PYROXD1: variants seen among roughly 807,000 people sequenced by gnomAD.
PYROXD1 encodes pyridine nucleotide-disulphide oxidoreductase domain 1.
In PYROXD1, 42 loss-of-function variants were observed where a neutral mutation model predicts 62.0. The observed-to-expected ratio is 0.68, with a 90% CI of 0.53 to 0.88. PYROXD1 has a LOEUF of 0.88. Among genes scored for constraint, PYROXD1 ranks in the 40% least tolerant of loss-of-function variants. The pLI, the probability that PYROXD1 is intolerant of heterozygous loss-of-function variation, is 0.00. For missense variants in PYROXD1, 493 were observed against 604.8 expected, an observed-to-expected ratio of 0.82 and a Z score of 1.94; for synonymous variants, 170 against 206.4, an observed-to-expected ratio of 0.82 and a Z score of 1.51.
rs776511621 is a variant in PYROXD1 at position 21,461,101 on chromosome 12, A to T, written c.827A>T (p.Lys276Met). ...CTTCAGGATGAGTTTAGAATTTTGA[A>T]GAAAAAGTCCTTCACTTTTCCAAGA... is the stretch of plus-strand genomic sequence containing the variant. ...IYLQDEFRIL[K>M]KKSFTFPRDH... The change falls in exon 8 of 12, where the codon AAG becomes ATG. Residue 276 changes from lysine (K) to methionine (M), a missense_variant. Coordinates refer to ENST00000240651, the MANE Select transcript of PYROXD1 (RefSeq NM_024854.5). The T allele has an allele frequency of 1.3e-6, 2 of 1,591,708 alleles. No homozygotes were observed. The highest frequency in any genetic ancestry group is 2.3e-5 in the South Asian group (2 of 86,122).
At chr12:21,443,780 A>G (rs1942339140) in intron 2 of PYROXD1, among the ~76,000 whole-genome samples, 3 of 152,130 alleles carry the variant, frequency 2.0e-5, no homozygotes, top group African/African-American at 4.8e-5. Flanking sequence ...TCATGTTGTA[A>G]ACCCATAAGA....
intron 2 of PYROXD1, among the ~76,000 whole-genome samples, chr12:21,440,892 A>G (rs1414269855): frequency 6.6e-6 from 1 of 151,912 alleles, no homozygotes; most frequent in Non-Finnish European, 1.5e-5. Context: ...TTTGTTGAAT[A>G]TTTTTTCTAT....
chr12:21,446,403 C>T (rs984876138), intron 3 of PYROXD1, among the ~76,000 whole-genome samples: 2 of 151,600 alleles, frequency 1.3e-5, no homozygotes, highest in Non-Finnish European at 2.9e-5. Flanking sequence ...CCAGCCTGGG[C>T]GACAGAGCGA....
chr12:21,465,783 G>A (rs1295729888), intron 10 of PYROXD1, among the ~76,000 whole-genome samples: 3 of 152,026 alleles, frequency 2.0e-5, no homozygotes, highest in Non-Finnish European at 2.9e-5. Context: ...TTTCTTCTAG[G>A]GTTTTTATGG....
At chr12:21,454,700 A>G (rs1487535206) in intron 5 of PYROXD1, 1 of 152,144 alleles carries the variant, frequency 6.6e-6, no homozygotes, top group Non-Finnish European at 1.5e-5. Flanking sequence ...AGATATAAAA[A>G]GTTGTTACCA....
intron 2 of PYROXD1, among the ~76,000 whole-genome samples, chr12:21,442,016 G>C (rs1303713623): frequency 6.6e-6 from 1 of 152,246 alleles, no homozygotes; most frequent in Non-Finnish European, 1.5e-5. Context: ...GGGATCCTCA[G>C]CATCCAACTC....
chr12:21,461,837 A>C (rs1942702635), intron 8 of PYROXD1, among the ~76,000 whole-genome samples, 171 bp from the exon 9 acceptor site: 1 of 152,224 alleles, frequency 6.6e-6, no homozygotes, highest in South Asian at 2.1e-4. Context: ...AATTGCATTA[A>C]AATTGCTTTA....
chr12:21,467,349 G>T, intron 10 of PYROXD1, 132 bp from the exon 11 acceptor site: 1 of 756,008 alleles, frequency 1.3e-6, no homozygotes, highest in Non-Finnish European at 2.1e-6. Context: ...ATCCATTGGT[G>T]ACTGCTTCTG....
intron 5 of PYROXD1, 136 bp from the exon 6 acceptor site, chr12:21,454,996 T>A (rs1328018815): frequency 1.1e-5 from 5 of 438,980 alleles, no homozygotes; most frequent in Admixed American, 4.3e-5. Flanking sequence ...AATATTCCTC[T>A]TTATAATCAA....
rs1310095279 is a variant in PYROXD1 at position 21,469,490 on chromosome 12, T to C, written c.*736T>C. 2 of 150,032 alleles carry C rather than the reference T, an allele frequency of 1.3e-5. No individual in the cohort carries two copies. The highest frequency in any genetic ancestry group is 4.9e-5 in the African/African-American group (2 of 40,594). The allele number at this position is 150,032 out of a possible 1,614,324, so 9.3% of individuals were successfully genotyped here. ...AAGCCAAAAGATTGGACATCCCTGA[T>C]CTACATATTTAACTTAAAGTATCAC... On this transcript the variant is annotated 3_prime_UTR_variant, in exon 12 of 12. Coordinates refer to ENST00000240651, the MANE Select transcript of PYROXD1 (RefSeq NM_024854.5).
rs7298300 is a variant in PYROXD1, at chr12:21,440,103, T to C, written c.85-265T>C. Among the ~76,000 whole-genome samples the C allele has an allele frequency of 0.49, 75,108 of 151,940 alleles. 18,612 individuals carry two copies. The highest frequency in any genetic ancestry group is 0.59 in the Middle Eastern group (173 of 294). On this transcript the variant is annotated intron_variant, in intron 1 of 11. Transcript: ENST00000240651. ...AAAAATAGTTGAAGTAAATAAAGGA[T>C]ATTTCTTTATATCACTTTTCTTGTT... is the stretch of plus-strand genomic sequence containing the variant.
chr12:21,452,260 A>G, intron 5 of PYROXD1, 106 bp downstream of exon 5: 1 of 747,360 alleles, frequency 1.3e-6, no homozygotes, highest in South Asian at 3.5e-5. Context: ...GGCAGACTGG[A>G]AAATGTTTTT....
chr12:21,456,733 C>G, intron 7 of PYROXD1: 1 of 244,144 alleles, frequency 4.1e-6, no homozygotes, highest in Non-Finnish European at 8.3e-6. Flanking sequence ...TCGTGAAAGA[C>G]TTCTCTGTAG....
At chr12:21,460,529 G>A (rs756304894) in intron 7 of PYROXD1, among the ~76,000 whole-genome samples, 18 of 151,498 alleles carry the variant, frequency 1.2e-4, no homozygotes, top group Non-Finnish European at 2.1e-4. Flanking sequence ...GTTCAAGCGA[G>A]TCTCCTGCCT....
chr12:21,452,002 G>A (rs1377909990), intron 4 of PYROXD1, 79 bp from the exon 5 acceptor site: 3 of 815,118 alleles, frequency 3.7e-6, no homozygotes, highest in Non-Finnish European at 5.8e-6. Flanking sequence ...TACATTTTTA[G>A]AATATTATCG....
chr12:21,449,846 C>T (rs1245718336), intron 4 of PYROXD1, among the ~76,000 whole-genome samples, 155 bp downstream of exon 4: 2 of 151,496 alleles, frequency 1.3e-5, no homozygotes, highest in Admixed American at 1.3e-4. Flanking sequence ...TTTATTCCTG[C>T]CAATTTTCTT....
At chr12:21,442,006 G>T (rs1942304242) in intron 2 of PYROXD1, among the ~76,000 whole-genome samples, 1 of 152,230 alleles carries the variant, frequency 6.6e-6, no homozygotes. Context: ...GAAGATTGCA[G>T]GGATCCTCAG....
At chr12:21,439,869 T>C (rs1487166604) in intron 1 of PYROXD1, among the ~76,000 whole-genome samples, 1 of 152,190 alleles carries the variant, frequency 6.6e-6, no homozygotes, top group Admixed American at 6.5e-5. Context: ...CCACAATATG[T>C]ACTGACTGGA....
At chr12:21,440,301 C>T in intron 1 of PYROXD1, 67 bp from the exon 2 acceptor site, 4 of 872,466 alleles carry the variant, frequency 4.6e-6, no homozygotes, top group East Asian at 2.5e-5. Context: ...ATTCTCAACC[C>T]CAAACCATAT....
Sources: allele counts gnomAD v4.1 joint callset (sites outside exome capture counted in the v4.1 genomes callset), GRCh38; gene constraint gnomAD v4.1.1; transcripts MANE v1.5; gene names NCBI Gene and HGNC (gene_info 2026-07-23, HGNC 2026-07-21).